The following RPAP1 variants were observed in gnomAD, a reference collection of about 807,000 sequenced individuals.
RPAP1 encodes RNA polymerase II-associated protein 1.
A neutral mutation model predicts 142.4 loss-of-function variants in RPAP1; 109 were observed. The ratio of observed to expected loss-of-function variants is 0.77; its 90% CI spans 0.66 to 0.90. The LOEUF (loss-of-function observed/expected upper bound fraction) is 0.90, where lower values mean the gene tolerates loss of function less well. Ranked by LOEUF, RPAP1 falls within the 40% of genes least tolerant of loss-of-function variation. RPAP1 has a pLI of 0.00. For missense variants in RPAP1, 1,546 were observed against 1,751.7 expected (o/e 0.88, Z 2.10); for synonymous variants, 704 against 738.9 (o/e 0.95, Z 0.77).
chr15:41,539,346 G>A (rs975484230), intron 1 of RPAP1, among the ~76,000 whole-genome samples: 15 of 151,870 alleles, frequency 9.9e-5, no homozygotes, highest in African/African-American at 2.7e-4. Flanking sequence ...CCAGGCTGGC[G>A]TGCAATGGCG....
At chr15:41,518,649 A>G (rs1298759488) in intron 22 of RPAP1, among the ~76,000 whole-genome samples, 2 of 150,438 alleles carry the variant, frequency 1.3e-5, no homozygotes, top group Non-Finnish European at 2.9e-5. Flanking sequence ...ACTGCACTCC[A>G]GCCTGGGCAA....
Position 41,525,145 on chromosome 15 carries a change from T to C in RPAP1, c.1921A>G (p.Ser641Gly). 2 of 1,607,144 alleles carry C rather than the reference T, an allele frequency of 1.2e-6. No homozygotes were observed. The highest frequency in any genetic ancestry group is 1.7e-6 in the Non-Finnish European group (2 of 1,176,752). The change falls in exon 15 of 25, where the codon AGC becomes GGC. Residue 641 changes from serine to glycine, a missense_variant. Coordinates refer to ENST00000304330, the MANE Select transcript of RPAP1 (RefSeq NM_015540.4). ...AGGCGGCTCCGGAGATCAAAGCTGC[T>C]CAACTGGAAATGGGCACAGTCTGAG... Reference protein sequence around the residue: ...AGRNIAARLLSSFDLRSRLCR... With the variant: ...AGRNIAARLLGSFDLRSRLCR...
intron 6 of RPAP1, among the ~76,000 whole-genome samples, chr15:41,531,615 A>T (rs1294904016): frequency 0.037 from 920 of 24,926 alleles, 10 homozygotes; most frequent in Middle Eastern, 0.069. Flanking sequence ...ATATATATAT[A>T]TATATATATA....
In RPAP1 at chr15:41,522,170, T is replaced by A; in HGVS notation, c.2823A>T (p.Thr941=). 6.2e-7 allele frequency: 1 copy of A among 1,613,832 alleles called. No individual in the cohort carries two copies. Residue 941 remains threonine (T), a synonymous_variant, in exon 20 of 25, where the codon ACA becomes ACT. Coordinates refer to ENST00000304330, the MANE Select transcript of RPAP1 (RefSeq NM_015540.4). ...GGCGCAGGGCCCATGCAGAGAAAGG[T>A]GTGAGGTGTGGGGCAGCCCCAGGAG... ...CVAPGAAPHL[T]PFSAWALRHE... is the part of the protein sequence containing the mutation.
rs202122322 is a variant in RPAP1 at position 41,524,113 on chromosome 15, G to A, written c.2217C>T (p.Thr739=). 7.4e-5 allele frequency: 117 copies of A among 1,590,212 alleles called. 2 individuals are homozygous for A. The highest frequency in any genetic ancestry group is 5.0e-4 in the Middle Eastern group (3 of 5,966). ...LTQLTLAAGS[T]PAETISDSAE... ...TAAACTACCTGATGGTTTCAGCAGG[G>A]GTACTGCCGGCTGCCAGGGTTAGCT... Residue 739 remains threonine, a synonymous_variant, in exon 16 of 25, where the codon ACC becomes ACT. Coordinates refer to ENST00000304330, the MANE Select transcript of RPAP1 (RefSeq NM_015540.4).
At position 41,530,605 on chromosome 15, in the gene RPAP1, A is replaced by G. The variant is rs188429937; in HGVS notation, c.943+418T>C. Among the ~76,000 whole-genome samples, 77 of 152,348 alleles carry G rather than the reference A, an allele frequency of 5.1e-4. 2 individuals are homozygous for G. The East Asian group carries it at 9.4e-3, about 19-fold the overall frequency. On this transcript the variant is annotated intron_variant, in intron 7 of 24. Transcript: ENST00000304330. ...TCTCTGCTTCTGGTCTGGCATGTTC[A>G]TAAGATCTTTGTCAGATTCTGCCTC... is the stretch of plus-strand genomic sequence containing the variant.
rs142038597 is a variant in RPAP1 at position 41,524,326 on chromosome 15, G to A, written c.2076-72C>T. On this transcript the variant is annotated intron_variant, in intron 15 of 24. Transcript: ENST00000304330. Reference sequence around the variant, plus strand: ...GACATGAGACACAGGTCATGGCCCTGACCCAGGGATCTGCAGTTTGATAAA... The same window carrying A: ...GACATGAGACACAGGTCATGGCCCTAACCCAGGGATCTGCAGTTTGATAAA... 1.1e-4 allele frequency: 149 copies of A among 1,356,726 alleles called. 1 individual carries two copies. In the African/African-American group the frequency reaches 2.0e-3, roughly 18 times the overall value. The allele number at this position is 1,356,726 out of a possible 1,614,324, so 84.0% of individuals were successfully genotyped here.
Position 41,522,258 on chromosome 15 carries a change from A to G in RPAP1, c.2743-8T>C, listed in dbSNP as rs1255206910. ...AGCCAATATGGCAGCCAGCTGAGGA[A>G]AAGCAATTTTGTTCAGATCTAGAAA... On this transcript the variant is annotated splice_region_variant and splice_polypyrimidine_tract_variant and intron_variant, in intron 19 of 24. Transcript: ENST00000304330. 6.2e-7 allele frequency: 1 copy of G among 1,612,918 alleles called. No individual in the cohort carries two copies. The highest frequency in any genetic ancestry group is 2.2e-5 in the East Asian group (1 of 44,878).
At chr15:41,528,105 C>A (rs370495584) in intron 10 of RPAP1, 78 bp from the exon 11 acceptor site, 13 of 1,552,964 alleles carry the variant, frequency 8.4e-6, no homozygotes, top group African/African-American at 5.5e-5. Flanking sequence ...CGTTTGCCCC[C>A]CTATGATCCT....
chr15:41,520,224 A>C, intron 22 of RPAP1, 167 bp downstream of exon 22: 1 of 746,172 alleles, frequency 1.3e-6, no homozygotes, highest in South Asian at 1.8e-5. Context: ...GTGAGCCACC[A>C]CACCCAGCCC....
rs2051831715 is a variant in RPAP1, at chr15:41,529,939, G to A, written c.984C>T (p.His328=). The A allele has an allele frequency of 6.2e-7, 1 of 1,614,188 alleles. No homozygotes were observed. The highest frequency in any genetic ancestry group is 1.1e-5 in the South Asian group (1 of 91,086). Residue 328 remains histidine (H), a synonymous_variant, in exon 8 of 25, where the codon CAC becomes CAT. Coordinates refer to ENST00000304330, the MANE Select transcript of RPAP1 (RefSeq NM_015540.4). ...LPVTPQKEWL[H]MDTVELEKLH... ...GCTTCTCCAGCTCGACAGTGTCCAT[G>A]TGCAGCCATTCTTTCTGAGGGGTCA...
chr15:41,523,362 A>G lies in RPAP1; in HGVS notation c.2437-8T>C. 6.4e-7 allele frequency: 1 copy of G among 1,553,938 alleles called. No homozygotes were observed. Among genetic ancestry groups the G allele is most frequent in the Non-Finnish European group, 8.8e-7 (1 of 1,135,058 alleles). Reference sequence around the variant, plus strand: ...CTCCGGGCATGAGCTTGGCTGGTGGACCAAGGAATTCACTGAGCTGATGGC... The same window carrying G: ...CTCCGGGCATGAGCTTGGCTGGTGGGCCAAGGAATTCACTGAGCTGATGGC... On this transcript the variant is annotated splice_polypyrimidine_tract_variant and splice_region_variant and intron_variant, in intron 17 of 24. Coordinates refer to ENST00000304330, the MANE Select transcript of RPAP1 (RefSeq NM_015540.4).
At chr15:41,529,339 A>C in intron 9 of RPAP1, 131 bp downstream of exon 9, 1 of 646,496 alleles carries the variant, frequency 1.5e-6, no homozygotes, top group Non-Finnish European at 2.7e-6. Context: ...TCTCCAAAAA[A>C]AGAAACTGAA....
chr15:41,527,823 C>T (rs376718785), intron 11 of RPAP1, 37 bp downstream of exon 11: 6 of 1,610,546 alleles, frequency 3.7e-6, no homozygotes, highest in Non-Finnish European at 4.2e-6. Flanking sequence ...GACCCTGGCA[C>T]CTCCCAGCCC....
intron 3 of RPAP1, 104 bp from the exon 4 acceptor site, chr15:41,536,322 G>T: frequency 7.6e-7 from 1 of 1,321,402 alleles, no homozygotes; most frequent in East Asian, 2.3e-5. Flanking sequence ...CTCACTCTGG[G>T]GGGTTACGGA....
rs1319805972 is a variant in RPAP1, at chr15:41,520,704, C to T, written c.3482G>A (p.Cys1161Tyr). 1.2e-6 allele frequency: 2 copies of T among 1,614,124 alleles called. No homozygotes were observed. The highest frequency in any genetic ancestry group is 2.2e-5 in the East Asian group (1 of 44,880). ...PPAARLARLM[C>Y]VFLVDSELFR... ...CAGCTCACTGTCCACCAGGAACACACACATGAGCCGTGCCAGGCGGGCAGC... is the reference window on the plus strand; with the variant it reads ...CAGCTCACTGTCCACCAGGAACACATACATGAGCCGTGCCAGGCGGGCAGC... The change falls in exon 22 of 25, where the codon TGT (cysteine) becomes TAT (tyrosine). Residue 1161 changes from cysteine (C) to tyrosine (Y), a missense_variant. Transcript: ENST00000304330.
At position 41,535,641 on chromosome 15, in the gene RPAP1, C is replaced by A. The variant is rs1293212133; in HGVS notation, c.421-9G>T. ...GATGTTGCTGATTTCCCCTGTGGGG[C>A]AAAAAGAAAACCCAGGTTACTGATG... On this transcript the variant is annotated splice_polypyrimidine_tract_variant and intron_variant, in intron 4 of 24. Coordinates refer to ENST00000304330, the MANE Select transcript of RPAP1 (RefSeq NM_015540.4). 19 of 1,607,750 alleles carry A rather than the reference C, an allele frequency of 1.2e-5. No individual in the cohort carries two copies. The highest frequency in any genetic ancestry group is 1.6e-5 in the Non-Finnish European group (19 of 1,178,178).
At chr15:41,528,462 C>A (rs1057253008) in intron 9 of RPAP1, 126 bp from the exon 10 acceptor site, 23 of 682,578 alleles carry the variant, frequency 3.4e-5, no homozygotes, top group Non-Finnish European at 2.6e-6. Context: ...CATGGAGCCT[C>A]AAGCCGGTAA....
Position 41,523,556 on chromosome 15 carries a change from C to G in RPAP1, c.2437-202G>C, listed in dbSNP as rs149477926. On this transcript the variant is annotated intron_variant, in intron 17 of 24. Coordinates refer to ENST00000304330, the MANE Select transcript of RPAP1 (RefSeq NM_015540.4). ...GCACACAGGCTACAGGAAGGCTGAG[C>G]TGCTGCGTGGGCTCTCTGGTCCCCA... 3.9e-3 allele frequency among the ~76,000 whole-genome samples: 599 copies of G among 152,358 alleles called. 1 individual carries two copies. Among genetic ancestry groups the G allele is most frequent in the African/African-American group, 0.014 (563 of 41,588 alleles).
Sources: allele counts gnomAD v4.1 joint callset (sites outside exome capture counted in the v4.1 genomes callset), GRCh38; gene constraint gnomAD v4.1.1; transcripts MANE v1.5; gene names NCBI Gene and HGNC (gene_info 2026-07-23, HGNC 2026-07-21).